CKAP2L: variants seen among roughly 807,000 people sequenced by gnomAD.
The protein encoded by CKAP2L is cytoskeleton-associated protein 2-like.
A neutral mutation model predicts 65.7 loss-of-function variants in CKAP2L; 42 were observed. That is an observed-to-expected ratio of 0.64 (90% CI 0.50 to 0.83). The LOEUF (loss-of-function observed/expected upper bound fraction) is 0.83, where lower values mean the gene tolerates loss of function less well. CKAP2L is among the 40% of genes least tolerant of loss of function. CKAP2L has a pLI of 0.00. For synonymous variants in CKAP2L, 325 were observed against 313.5 expected, an observed-to-expected ratio of 1.04 and a Z score of -0.39; for missense variants, 908 against 871.0, an observed-to-expected ratio of 1.04 and a Z score of -0.53.
intron 1 of CKAP2L, 57 bp from the exon 2 acceptor site, chr2:112,762,626 T>G: frequency 7.4e-7 from 1 of 1,348,394 alleles, no homozygotes. Context: ...TTTAACCAGT[T>G]CATTAATATT....
At chr2:112,745,443 G>A (rs919189803) in intron 6 of CKAP2L, among the ~76,000 whole-genome samples, 1 of 150,740 alleles carries the variant, frequency 6.6e-6, no homozygotes, top group Non-Finnish European at 1.5e-5. Flanking sequence ...GCAGTGGCCC[G>A]ATCTCGGCTC....
chr2:112,747,366 TAGAG>T (rs1553440932), intron 5 of CKAP2L, among the ~76,000 whole-genome samples: 7 of 52,052 alleles, frequency 1.3e-4, no homozygotes, highest in African/African-American at 8.9e-4. Context: ...AAACAAATCC[TAGAG>T]TAAACATTTA....
intron 3 of CKAP2L, among the ~76,000 whole-genome samples, chr2:112,757,731 A>G (rs1038647629): frequency 1.3e-5 from 2 of 152,154 alleles, no homozygotes; most frequent in African/African-American, 4.8e-5. Context: ...TCAGAAGTAT[A>G]TTAGAATCTT....
chr2:112,762,954 A>T (rs1041350762), intron 1 of CKAP2L, among the ~76,000 whole-genome samples: 4 of 151,968 alleles, frequency 2.6e-5, no homozygotes, highest in African/African-American at 7.2e-5. Flanking sequence ...GGATAATTTT[A>T]AAAAAATTTT....
intron 8 of CKAP2L, 52 bp from the exon 9 acceptor site, chr2:112,739,100 CTT>C: frequency 7.4e-7 from 1 of 1,359,882 alleles, no homozygotes; most frequent in Admixed American, 1.9e-5. Flanking sequence ...AAAAAATTAT[CTT>C]TATTATTTTT....
chr2:112,756,813 C>A lies in CKAP2L; in HGVS notation c.558G>T (p.Glu186Asp). The A allele has an allele frequency of 1.2e-6, 2 of 1,602,490 alleles. No homozygotes were observed. Among genetic ancestry groups the A allele is most frequent in the South Asian group, 1.1e-5 (1 of 88,596 alleles). ...GTTCTGTTAAGATATCGAGCAAGTT[C>A]TCTTTGTTTGTTTCTTTTAGAAAGT... ...LDNFLKETNK[E>D]NLLDILTEPE... The change falls in exon 4 of 9, where the codon GAG (glutamate) becomes GAT (aspartate). Residue 186 changes from glutamate (E) to aspartate (D), a missense_variant. Physicochemically the swap from Glu to Asp is conservative, Grantham distance 45 (BLOSUM62 2). Coordinates refer to ENST00000302450, the MANE Select transcript of CKAP2L (RefSeq NM_152515.5).
At chr2:112,750,985 A>T (rs1021952878) in intron 5 of CKAP2L, among the ~76,000 whole-genome samples, 5 of 152,218 alleles carry the variant, frequency 3.3e-5, no homozygotes, top group East Asian at 1.9e-4. Context: ...TTTTAAAAAG[A>T]TTGAGAAAAA....
intron 1 of CKAP2L, among the ~76,000 whole-genome samples, chr2:112,763,529 T>C (rs1163477729): frequency 6.6e-6 from 1 of 151,634 alleles, no homozygotes; most frequent in Non-Finnish European, 1.5e-5. Flanking sequence ...GGAGATAAAA[T>C]CAACACAGCA....
chr2:112,762,898 C>T (rs1680770188), intron 1 of CKAP2L, among the ~76,000 whole-genome samples: 1 of 151,984 alleles, frequency 6.6e-6, no homozygotes, highest in Non-Finnish European at 1.5e-5. Flanking sequence ...ATCCTCACAC[C>T]TCAGTCTCCT....
chr2:112,762,610 C>T, intron 1 of CKAP2L, 41 bp from the exon 2 acceptor site: 1 of 1,525,018 alleles, frequency 6.6e-7, no homozygotes, highest in Non-Finnish European at 9.1e-7. Context: ...AACTTTAGTT[C>T]AAGATTTTAA....
intron 2 of CKAP2L, among the ~76,000 whole-genome samples, chr2:112,760,976 CT>C (rs539461536): frequency 5.0e-4 from 73 of 145,604 alleles, no homozygotes; most frequent in African/African-American, 4.7e-4. Context: ...TGCTCCTACT[CT>C]TTTTTTTTTT....
Position 112,757,190 on chromosome 2 carries a change from T to C in CKAP2L, c.181A>G (p.Thr61Ala), listed in dbSNP as rs755206377. 62 of 1,608,402 alleles carry C rather than the reference T, an allele frequency of 3.9e-5. No individual in the cohort carries two copies. The highest frequency in any genetic ancestry group is 5.1e-5 in the Non-Finnish European group (60 of 1,177,042). ...KSTIRPKNDV[T>A]NHVVLPVKPK... ...TTGACAGGCAAAACAACATGGTTGG[T>C]AACATCATTTTTGGGTCTAATAGTC... The change falls in exon 4 of 9, where the codon ACC becomes GCC. Residue 61 changes from threonine to alanine, a missense_variant. Physicochemically the swap from Thr to Ala is moderately conservative, Grantham distance 58. Coordinates refer to ENST00000302450, the MANE Select transcript of CKAP2L (RefSeq NM_152515.5).
chr2:112,747,561 T>C (rs1378731976), intron 5 of CKAP2L, among the ~76,000 whole-genome samples: 7 of 152,128 alleles, frequency 4.6e-5, no homozygotes, highest in Admixed American at 4.6e-4. Context: ...CACAAAAAGA[T>C]AATTTGAAAT....
Position 112,756,520 on chromosome 2 carries a change from C to T in CKAP2L, c.851G>A (p.Arg284Gln), listed in dbSNP as rs199612253. Residue 284 changes from arginine (R) to glutamine (Q), a missense_variant, in exon 4 of 9, where the codon CGG (arginine) becomes CAG (glutamine). Transcript: ENST00000302450. ...PSRTVPSHFIRTLSKVQSSKK... is the reference protein window; with the variant it reads ...PSRTVPSHFIQTLSKVQSSKK... ...TGATGACTGAACTTTACTAAGGGTC[C>T]GAATAAAGTGAGAGGGAACCGTCCT... 356 of 1,608,632 alleles carry T rather than the reference C, an allele frequency of 2.2e-4. No individual in the cohort carries two copies. The highest frequency in any genetic ancestry group is 2.9e-4 in the Non-Finnish European group (340 of 1,177,912).
intron 2 of CKAP2L, among the ~76,000 whole-genome samples, chr2:112,761,954 G>T (rs997525113): frequency 6.6e-6 from 1 of 152,144 alleles, no homozygotes; most frequent in Non-Finnish European, 1.5e-5. Flanking sequence ...CTCAAATGGG[G>T]AAAAAATTAA....
At chr2:112,759,700 A>C (rs1680659456) in intron 3 of CKAP2L, among the ~76,000 whole-genome samples, 1 of 152,184 alleles carries the variant, frequency 6.6e-6, no homozygotes, top group Non-Finnish European at 1.5e-5. Context: ...ATTTTGCCTT[A>C]TATACATTTT....
At chr2:112,760,613 C>T in intron 3 of CKAP2L, 100 bp downstream of exon 3, 1 of 624,398 alleles carries the variant, frequency 1.6e-6, no homozygotes. Context: ...TAAGAAATAC[C>T]TTTCAAATAC....
Position 112,738,896 on chromosome 2 carries a change from TC to T in CKAP2L, c.2164del (p.Glu722LysfsTer15). 6.2e-7 allele frequency: 1 copy of T among 1,614,140 alleles called. No individual in the cohort carries two copies. Among genetic ancestry groups the T allele is most frequent in the Non-Finnish European group, 8.5e-7 (1 of 1,179,990 alleles). On this transcript the variant is annotated frameshift_variant, in exon 9 of 9. Coordinates refer to ENST00000302450, the MANE Select transcript of CKAP2L (RefSeq NM_152515.5). LOFTEE classifies it high-confidence loss of function. ...TCTACGGAATATAAAACATTTTGTT[TC>T]TTCCACTTCTAACAGTTCATCAAGA... ...ASLDELLEVE[E>X]TKCFIFRRNE...
At chr2:112,759,644 A>G (rs1056247391) in intron 3 of CKAP2L, among the ~76,000 whole-genome samples, 1 of 152,212 alleles carries the variant, frequency 6.6e-6, no homozygotes, top group Admixed American at 6.5e-5. Context: ...TGCATAAAGT[A>G]AAAGTGTAAC....
Sources: gnomAD v4.1 joint callset for allele counts (sites outside exome capture counted in the v4.1 genomes callset) on GRCh38, gnomAD v4.1.1 for gene constraint, MANE v1.5 for transcripts, NCBI Gene and HGNC (gene_info 2026-07-23, HGNC 2026-07-21) for gene names.